CACHD1: variants seen among roughly 807,000 people sequenced by gnomAD.
CACHD1 encodes VWFA and cache domain-containing protein 1.
In CACHD1, 71 loss-of-function variants were observed where a neutral mutation model predicts 138.7. The observed-to-expected ratio is 0.51, with a 90% CI of 0.42 to 0.62. CACHD1 has a LOEUF of 0.62. Among genes scored for constraint, CACHD1 ranks in the 20% least tolerant of loss-of-function variants. The pLI is 0.00. For synonymous variants in CACHD1, 578 were observed against 591.5 expected, an observed-to-expected ratio of 0.98 and a Z score of 0.33; for missense variants, 1,389 against 1,625.3, an observed-to-expected ratio of 0.85 and a Z score of 2.50.
intron 7 of CACHD1, among the ~76,000 whole-genome samples, chr1:64,638,592 T>G (rs1160124974): frequency 2.0e-5 from 3 of 152,128 alleles, no homozygotes; most frequent in Non-Finnish European, 4.4e-5. Context: ...ATAATGAACC[T>G]CAATTAAAGA....
At chr1:64,606,587 G>C (rs545342968) in intron 4 of CACHD1, among the ~76,000 whole-genome samples, 3 of 152,284 alleles carry the variant, frequency 2.0e-5, no homozygotes, top group Middle Eastern at 3.4e-3. Context: ...TAGTTACATA[G>C]AGAAGTGACA....
At chr1:64,574,814 CCTT>C (rs1158326479) in intron 2 of CACHD1, among the ~76,000 whole-genome samples, 1 of 152,184 alleles carries the variant, frequency 6.6e-6, no homozygotes, top group African/African-American at 2.4e-5. Flanking sequence ...TGCCTCGTCT[CCTT>C]CAGCTAGTAA....
chr1:64,601,125 G>A (rs554140575), intron 3 of CACHD1, among the ~76,000 whole-genome samples: 1 of 152,150 alleles, frequency 6.6e-6, no homozygotes, highest in Non-Finnish European at 1.5e-5. Context: ...AAGTTTTATT[G>A]GAACACAGCC....
intron 7 of CACHD1, among the ~76,000 whole-genome samples, chr1:64,636,896 T>C (rs982556025): frequency 6.6e-6 from 1 of 152,190 alleles, no homozygotes; most frequent in African/African-American, 2.4e-5. Flanking sequence ...ATGTCCCGTA[T>C]ACAGGACATC....
intron 10 of CACHD1, 96 bp downstream of exon 10, chr1:64,652,406 G>A: frequency 8.9e-7 from 1 of 1,122,406 alleles, no homozygotes; most frequent in Non-Finnish European, 1.2e-6. Context: ...AAATGATAGT[G>A]TAAAGAAGAG....
intron 4 of CACHD1, among the ~76,000 whole-genome samples, chr1:64,621,253 A>G (rs546009261): frequency 1.3e-5 from 2 of 152,218 alleles, no homozygotes; most frequent in Non-Finnish European, 2.9e-5. Flanking sequence ...TTTTTTCCAT[A>G]TGTTCGTCTA....
At chr1:64,547,653 C>T (rs1461633590) in intron 1 of CACHD1, among the ~76,000 whole-genome samples, 2 of 152,248 alleles carry the variant, frequency 1.3e-5, no homozygotes, top group East Asian at 1.9e-4. Flanking sequence ...AGGCATGAGC[C>T]ACCGCACCCA....
chr1:64,595,222 G>A (rs1210277327), intron 3 of CACHD1, among the ~76,000 whole-genome samples: 1 of 152,146 alleles, frequency 6.6e-6, no homozygotes, highest in East Asian at 1.9e-4. Flanking sequence ...CTCAGTATGT[G>A]TGAGGGGAGA....
intron 7 of CACHD1, among the ~76,000 whole-genome samples, chr1:64,640,402 G>A (rs144061044): frequency 0.014 from 2,193 of 152,272 alleles, 21 homozygotes; most frequent in Non-Finnish European, 0.021. Flanking sequence ...GAGGCCAGGC[G>A]TGGTGGCTCA....
intron 4 of CACHD1, among the ~76,000 whole-genome samples, chr1:64,609,513 CT>C (rs1647453806): frequency 6.6e-6 from 1 of 152,164 alleles, no homozygotes; most frequent in Non-Finnish European, 1.5e-5. Flanking sequence ...CAAACAAGGT[CT>C]CTTTCTTTAC....
At chr1:64,489,774 T>C (rs1394813401) in intron 1 of CACHD1, among the ~76,000 whole-genome samples, 1 of 152,236 alleles carries the variant, frequency 6.6e-6, no homozygotes, top group Non-Finnish European at 1.5e-5. Context: ...TATACTCTAC[T>C]CCTCACTTCT....
intron 4 of CACHD1, among the ~76,000 whole-genome samples, chr1:64,627,121 T>G (rs1648124331): frequency 6.6e-6 from 1 of 152,068 alleles, no homozygotes; most frequent in South Asian, 2.1e-4. Flanking sequence ...AGATAAAATC[T>G]CAGGGCTGGG....
At chr1:64,652,454 G>A (rs745881134) in intron 10 of CACHD1, 144 bp downstream of exon 10, 10 of 684,438 alleles carry the variant, frequency 1.5e-5, no homozygotes, top group South Asian at 2.2e-5. Context: ...GTAGAACACC[G>A]TAAAGATGGC....
intron 5 of CACHD1, among the ~76,000 whole-genome samples, chr1:64,630,616 C>T (rs879667257): frequency 6.6e-6 from 1 of 152,116 alleles, no homozygotes; most frequent in Non-Finnish European, 1.5e-5. Flanking sequence ...TGTGTGGTTT[C>T]TTCCTTTCCC....
chr1:64,564,285 C>T (rs1027722700), intron 2 of CACHD1, among the ~76,000 whole-genome samples: 1 of 152,110 alleles, frequency 6.6e-6, no homozygotes, highest in Non-Finnish European at 1.5e-5. Flanking sequence ...AAGGGCTGCT[C>T]AGAAACAACT....
chr1:64,558,567 C>A (rs1646815675), intron 2 of CACHD1, among the ~76,000 whole-genome samples: 1 of 152,292 alleles, frequency 6.6e-6, no homozygotes, highest in Admixed American at 6.5e-5. Flanking sequence ...TAAGCAATAA[C>A]CATCCTGGAC....
At chr1:64,621,906 C>T (rs762951125) in intron 4 of CACHD1, among the ~76,000 whole-genome samples, 1 of 152,132 alleles carries the variant, frequency 6.6e-6, no homozygotes, top group Non-Finnish European at 1.5e-5. Context: ...ATTTGATTTA[C>T]ATTTTAGAAA....
intron 2 of CACHD1, among the ~76,000 whole-genome samples, chr1:64,557,663 C>G (rs1488752044): frequency 6.6e-6 from 1 of 152,044 alleles, no homozygotes; most frequent in African/African-American, 2.4e-5. Context: ...TTTCTTGACC[C>G]CACTTTCCTT....
intron 19 of CACHD1, among the ~76,000 whole-genome samples, chr1:64,675,198 A>G (rs995726648): frequency 1.3e-5 from 2 of 152,226 alleles, no homozygotes; most frequent in African/African-American, 4.8e-5. Flanking sequence ...CAGCTGTTCA[A>G]TGGGAGATAT....
Sources: allele counts gnomAD v4.1 joint callset (sites outside exome capture counted in the v4.1 genomes callset), GRCh38; gene constraint gnomAD v4.1.1; transcripts MANE v1.5; gene names NCBI Gene and HGNC (gene_info 2026-07-23, HGNC 2026-07-21).